POGLUT2: variants seen among roughly 807,000 people sequenced by gnomAD.
The protein encoded by POGLUT2 is ER protein 58.
A neutral mutation model predicts 57.6 loss-of-function variants in POGLUT2; 47 were observed. The observed-to-expected ratio is 0.82, with a 90% CI of 0.65 to 1.04. The LOEUF (loss-of-function observed/expected upper bound fraction) is 1.04, where lower values mean the gene tolerates loss of function less well. Ranked by LOEUF, POGLUT2 falls within the 50% of genes least tolerant of loss-of-function variation. The pLI is 0.00. For missense variants in POGLUT2, 565 were observed against 614.8 expected, an observed-to-expected ratio of 0.92 and a Z score of 0.86; for synonymous variants, 200 against 218.8, an observed-to-expected ratio of 0.91 and a Z score of 0.76.
chr13:102,787,283 G>A (rs140649265), intron 8 of POGLUT2, among the ~76,000 whole-genome samples: 75 of 152,258 alleles, frequency 4.9e-4, no homozygotes, highest in African/African-American at 1.8e-3. Flanking sequence ...CTCACCTCAG[G>A]TGATCTGTCT....
In POGLUT2 at chr13:102,798,853, C is replaced by G; in HGVS notation, c.-183G>C. ...TCCGCGACCCCAGGACAATCAAAGCCCGTGCCCCGGCGCGCCCAGGTGAGG... is the reference window on the plus strand; with the variant it reads ...TCCGCGACCCCAGGACAATCAAAGCGCGTGCCCCGGCGCGCCCAGGTGAGG... On this transcript the variant is annotated 5_prime_UTR_variant, in exon 1 of 10. Coordinates refer to ENST00000376004, the MANE Select transcript of POGLUT2 (RefSeq NM_024089.3). 2 of 541,326 alleles carry G rather than the reference C, an allele frequency of 3.7e-6. No homozygotes were observed. Among genetic ancestry groups the G allele is most frequent in the Non-Finnish European group, 6.1e-6 (2 of 326,370 alleles). The allele number at this position is 541,326 out of a possible 1,614,324, so 33.5% of individuals were successfully genotyped here. A position where few individuals can be genotyped will look rare whatever the true frequency, so the allele number is the denominator to read the frequency against.
At chr13:102,795,050 G>A (rs900872672) in intron 2 of POGLUT2, among the ~76,000 whole-genome samples, 14 of 149,756 alleles carry the variant, frequency 9.3e-5, no homozygotes, top group African/African-American at 3.0e-4. Flanking sequence ...TCAGGAGATC[G>A]AGACCATCCT....
chr13:102,798,823 G>A lies in POGLUT2; in HGVS notation c.-153C>T. 1 of 715,212 alleles carries A rather than the reference G, an allele frequency of 1.4e-6. No individual in the cohort carries two copies. Among genetic ancestry groups the A allele is most frequent in the Admixed American group, 3.4e-5 (1 of 29,116 alleles). 44.3% of individuals were successfully genotyped at this position (715,212 alleles called of 1,614,324 possible). On this transcript the variant is annotated 5_prime_UTR_variant, in exon 1 of 10. Coordinates refer to ENST00000376004, the MANE Select transcript of POGLUT2 (RefSeq NM_024089.3). The stretch of plus-strand genomic sequence containing the variant: ...CGCCCGGCGTGCAGGGCAGGCGCGC[G>A]GGTCTCCGCGACCCCAGGACAATCA...
In POGLUT2 at chr13:102,793,698, T is replaced by C; in HGVS notation, c.497A>G (p.His166Arg). 1 of 1,614,202 alleles carries C rather than the reference T, an allele frequency of 6.2e-7. No homozygotes were observed. Among genetic ancestry groups the C allele is most frequent in the Non-Finnish European group, 8.5e-7 (1 of 1,180,014 alleles). ...CTTTTCTGGATCCACAGCAGGGAAA[T>C]GTGCCAGATCTCTCTGAATCTGAGC... Reference protein sequence around the residue: ...TIAQIQRDLAHFPAVDPEKIA... With the variant: ...TIAQIQRDLARFPAVDPEKIA... The change falls in exon 3 of 10, where the codon CAT becomes CGT. Residue 166 changes from histidine to arginine, a missense_variant. By Grantham distance (29) the His-to-Arg change is conservative. Coordinates refer to ENST00000376004, the MANE Select transcript of POGLUT2 (RefSeq NM_024089.3).
intron 6 of POGLUT2, among the ~76,000 whole-genome samples, chr13:102,790,693 T>C (rs1878129885): frequency 2.0e-5 from 3 of 152,152 alleles, no homozygotes; most frequent in South Asian, 4.1e-4. Context: ...CAAACTCCCT[T>C]GATGCGCATT....
intron 2 of POGLUT2, among the ~76,000 whole-genome samples, chr13:102,794,443 C>G (rs1323942843): frequency 6.6e-6 from 1 of 151,968 alleles, no homozygotes; most frequent in African/African-American, 2.4e-5. Context: ...GGGTGGATAA[C>G]TTGAGGTCAG....
intron 3 of POGLUT2, 32 bp from the exon 4 acceptor site, chr13:102,793,450 T>A (rs1327401211): frequency 7.0e-7 from 1 of 1,428,718 alleles, no homozygotes; most frequent in Non-Finnish European, 9.8e-7. Flanking sequence ...ATTATGTTAG[T>A]CTAAAGACGC....
At position 102,791,349 on chromosome 13, in the gene POGLUT2, G is replaced by A. The variant is rs1352458236; in HGVS notation, c.754C>T (p.Pro252Ser). 6.2e-7 allele frequency: 1 copy of A among 1,613,112 alleles called. No homozygotes were observed. Among genetic ancestry groups the A allele is most frequent in the Non-Finnish European group, 8.5e-7 (1 of 1,179,752 alleles). ...GTGGAGCCACACCAGGAAAAGATCG[G>A]ATGGATGTTTGAATTGGATTTCTTT... ...EKKKSNSNIH[P>S]IFSWCGSTDS... is the part of the protein sequence containing the mutation. Residue 252 changes from proline (P) to serine (S), a missense_variant, in exon 5 of 10, where the codon CCG becomes TCG. Coordinates refer to ENST00000376004, the MANE Select transcript of POGLUT2 (RefSeq NM_024089.3).
At chr13:102,784,654 C>T in intron 9 of POGLUT2, 142 bp from the exon 10 acceptor site, 1 of 606,330 alleles carries the variant, frequency 1.6e-6, no homozygotes, top group East Asian at 2.8e-5. Context: ...GGACTATTTC[C>T]AGAGGCCCAG....
intron 4 of POGLUT2, among the ~76,000 whole-genome samples, chr13:102,791,647 T>A (rs1878184027): frequency 6.6e-6 from 1 of 152,212 alleles, no homozygotes; most frequent in Non-Finnish European, 1.5e-5. Context: ...ACTGCAAAAG[T>A]AATCTCTGTT....
chr13:102,796,478 A>C (rs531249866), intron 2 of POGLUT2, among the ~76,000 whole-genome samples: 1 of 151,268 alleles, frequency 6.6e-6, no homozygotes, highest in Non-Finnish European at 1.5e-5. Context: ...CTTAAGTCAT[A>C]TATTTCCAAT....
In POGLUT2 at chr13:102,789,241, T is replaced by G. The variant is rs1376667683; in HGVS notation, c.1084-20A>C. On this transcript the variant is annotated intron_variant, in intron 6 of 9. Coordinates refer to ENST00000376004, the MANE Select transcript of POGLUT2 (RefSeq NM_024089.3). ...CTTATGCTGCAAAACAATGGTAAAG[T>G]CTAAGAACCTCTATTAAATCTCCTT... The G allele has an allele frequency of 6.3e-7, 1 of 1,577,454 alleles. No individual in the cohort carries two copies. The highest frequency in any genetic ancestry group is 2.2e-5 in the East Asian group (1 of 44,708).
At chr13:102,792,185 A>C in intron 4 of POGLUT2, 1 of 854,760 alleles carries the variant, frequency 1.2e-6, no homozygotes, top group Non-Finnish European at 1.4e-6. Flanking sequence ...CTTGAAAAAA[A>C]GGCATTATGA....
intron 6 of POGLUT2, 81 bp downstream of exon 6, chr13:102,790,820 A>G (rs921423160): frequency 1.1e-6 from 1 of 917,958 alleles, no homozygotes. Context: ...TGAAATTTGC[A>G]GGCCTTAATT....
chr13:102,790,327 G>T (rs1381206469), intron 6 of POGLUT2, among the ~76,000 whole-genome samples: 6 of 152,150 alleles, frequency 3.9e-5, no homozygotes, highest in Non-Finnish European at 8.8e-5. Context: ...TACCATGGGG[G>T]ACTTCAGAAA....
At chr13:102,789,866 A>G (rs56085825) in intron 6 of POGLUT2, among the ~76,000 whole-genome samples, 9,738 of 152,302 alleles carry the variant, frequency 0.064, 428 homozygotes, top group African/African-American at 0.12. Flanking sequence ...CCAAAGTGCT[A>G]GGATTACAGG....
At chr13:102,785,176 T>C (rs1877890314) in intron 9 of POGLUT2, among the ~76,000 whole-genome samples, 1 of 152,206 alleles carries the variant, frequency 6.6e-6, no homozygotes, top group African/African-American at 2.4e-5. Flanking sequence ...CATGTGCTGA[T>C]TGTCATGGTG....
chr13:102,789,304 C>A lies in POGLUT2; in HGVS notation c.1084-83G>T. The A allele has an allele frequency of 2.6e-6, 3 of 1,138,014 alleles. No individual in the cohort carries two copies. In the South Asian group the frequency reaches 4.0e-5, roughly 15 times the overall value. 70.5% of individuals were successfully genotyped at this position (1,138,014 alleles called of 1,614,324 possible). A position where few individuals can be genotyped will look rare whatever the true frequency, so the allele number is the denominator to read the frequency against. On this transcript the variant is annotated intron_variant, in intron 6 of 9. Coordinates refer to ENST00000376004, the MANE Select transcript of POGLUT2 (RefSeq NM_024089.3). ...TTCTCCTTCCCATCCCACACATAAA[C>A]CTTTGCAATCCTCAGACACAATTTG...
At chr13:102,796,307 A>AAT (rs1555319524) in intron 2 of POGLUT2, among the ~76,000 whole-genome samples, 3,468 of 146,862 alleles carry the variant, frequency 0.024, 60 homozygotes, top group Non-Finnish European at 0.028. Flanking sequence ...AAAAAAAAAA[A>AAT]AAAAATAAAT....
Sources: gnomAD v4.1 joint callset for allele counts (sites outside exome capture counted in the v4.1 genomes callset) on GRCh38, gnomAD v4.1.1 for gene constraint, MANE v1.5 for transcripts, NCBI Gene and HGNC (gene_info 2026-07-23, HGNC 2026-07-21) for gene names.